The following LUZP2 variants were observed in gnomAD, a reference collection of about 807,000 sequenced individuals.
LUZP2 encodes leucine zipper protein 2.
LUZP2 carries 52 observed loss-of-function variants against 51.6 expected under a neutral mutation model. That is an observed-to-expected ratio of 1.01 (90% CI 0.81 to 1.27). The LOEUF (loss-of-function observed/expected upper bound fraction) is 1.27, where lower values mean the gene tolerates loss of function less well. Ranked by LOEUF, LUZP2 falls within the 50% of genes most tolerant of loss-of-function variation. The probability of loss-of-function intolerance (pLI) is 0.00; values close to 1 mark genes in which losing one functional copy is unlikely to be tolerated. For missense variants in LUZP2, 436 were observed against 395.4 expected (o/e 1.10, Z -0.87); for synonymous variants, 154 against 137.3 (o/e 1.12, Z -0.85).
At chr11:24,971,734 G>A (rs542522957) in intron 7 of LUZP2, among the ~76,000 whole-genome samples, 1 of 152,038 alleles carries the variant, frequency 6.6e-6, no homozygotes, top group Non-Finnish European at 1.5e-5. Context: ...ATTACAACAT[G>A]GGATGGTATC....
chr11:24,589,773 A>G (rs1237630090), intron 1 of LUZP2, among the ~76,000 whole-genome samples: 1 of 152,072 alleles, frequency 6.6e-6, no homozygotes, highest in Non-Finnish European at 1.5e-5. Context: ...TCTGACCTTG[A>G]CCTGTTGCCT....
chr11:24,937,555 A>G (rs1057299323), intron 7 of LUZP2, among the ~76,000 whole-genome samples: 6 of 152,206 alleles, frequency 3.9e-5, no homozygotes, highest in African/African-American at 1.2e-4. Context: ...AGAAATTACC[A>G]GCTTACTTTT....
At chr11:24,583,771 T>G (rs1470750953) in intron 1 of LUZP2, among the ~76,000 whole-genome samples, 1 of 151,596 alleles carries the variant, frequency 6.6e-6, no homozygotes, top group East Asian at 2.0e-4. Context: ...TGGGGCGATC[T>G]CGGCTCACTG....
At chr11:25,068,122 A>C (rs1859048890) in intron 10 of LUZP2, among the ~76,000 whole-genome samples, 1 of 152,030 alleles carries the variant, frequency 6.6e-6, no homozygotes, top group African/African-American at 2.4e-5. Context: ...CAATGAGAAC[A>C]CATGGATACA....
intron 5 of LUZP2, among the ~76,000 whole-genome samples, chr11:24,897,121 G>A (rs770073645): frequency 3.3e-5 from 5 of 151,562 alleles, no homozygotes; most frequent in Non-Finnish European, 4.4e-5. Flanking sequence ...CCTCTGGCTA[G>A]AGGATTGTAA....
At chr11:24,741,560 C>A (rs1355266070) in intron 4 of LUZP2, among the ~76,000 whole-genome samples, 3 of 151,188 alleles carry the variant, frequency 2.0e-5, no homozygotes, top group African/African-American at 7.3e-5. Flanking sequence ...TTATACCTTG[C>A]CCCCCAGTCA....
chr11:24,864,528 C>T (rs1389814319), intron 5 of LUZP2, among the ~76,000 whole-genome samples: 1 of 152,186 alleles, frequency 6.6e-6, no homozygotes, highest in African/African-American at 2.4e-5. Flanking sequence ...GCTTGTTTCT[C>T]TCTTTCCATT....
At chr11:24,790,135 G>A (rs1849367965) in intron 5 of LUZP2, among the ~76,000 whole-genome samples, 2 of 151,880 alleles carry the variant, frequency 1.3e-5, no homozygotes, top group Admixed American at 1.3e-4. Flanking sequence ...ATGCTGTTGT[G>A]TCACTCATCT....
At chr11:24,720,468 G>C (rs995310203) in intron 1 of LUZP2, among the ~76,000 whole-genome samples, 1 of 152,086 alleles carries the variant, frequency 6.6e-6, no homozygotes, top group African/African-American at 2.4e-5. Flanking sequence ...CATGTGAGAT[G>C]GATCAATGCA....
chr11:24,841,289 C>A (rs147054624), intron 5 of LUZP2, among the ~76,000 whole-genome samples: 1 of 151,990 alleles, frequency 6.6e-6, no homozygotes, highest in Non-Finnish European at 1.5e-5. Context: ...AAGGTGGCTG[C>A]CTACAAGCAA....
At chr11:24,732,231 C>T (rs377504121) in intron 3 of LUZP2, 43 bp downstream of exon 3, 31 of 1,421,110 alleles carry the variant, frequency 2.2e-5, no homozygotes, top group Non-Finnish European at 2.8e-5. Flanking sequence ...GCCATAGTGT[C>T]AAGCAACATT....
chr11:24,649,202 G>A (rs1002328908), intron 1 of LUZP2, among the ~76,000 whole-genome samples: 2 of 151,974 alleles, frequency 1.3e-5, no homozygotes, highest in African/African-American at 4.8e-5. Context: ...TTGGTGGATG[G>A]CCAGAGGGAG....
intron 1 of LUZP2, among the ~76,000 whole-genome samples, chr11:24,630,547 T>C (rs926407850): frequency 6.6e-6 from 1 of 152,086 alleles, no homozygotes; most frequent in African/African-American, 2.4e-5. Context: ...TATTAATCTA[T>C]GTGTCTACAT....
At chr11:24,676,816 A>G (rs531525711) in intron 1 of LUZP2, among the ~76,000 whole-genome samples, 2 of 152,020 alleles carry the variant, frequency 1.3e-5, no homozygotes, top group African/African-American at 4.8e-5. Flanking sequence ...GTCACTCACC[A>G]TCATGTCTGG....
intron 7 of LUZP2, among the ~76,000 whole-genome samples, chr11:24,939,590 AG>A (rs1854688150): frequency 1.3e-5 from 2 of 152,180 alleles, no homozygotes; most frequent in Non-Finnish European, 2.9e-5. Flanking sequence ...CCAGTGATTA[AG>A]TGAGGAATGC....
At chr11:24,742,955 T>G (rs1859240236) in intron 4 of LUZP2, among the ~76,000 whole-genome samples, 1 of 152,130 alleles carries the variant, frequency 6.6e-6, no homozygotes, top group Non-Finnish European at 1.5e-5. Flanking sequence ...AGGGTGTCCT[T>G]TCCCCACTTT....
intron 1 of LUZP2, among the ~76,000 whole-genome samples, chr11:24,688,832 G>A (rs1856976697): frequency 6.6e-6 from 1 of 152,050 alleles, no homozygotes; most frequent in Non-Finnish European, 1.5e-5. Flanking sequence ...ACCACACTTT[G>A]TAGCCATTTA....
intron 5 of LUZP2, among the ~76,000 whole-genome samples, chr11:24,774,247 C>T (rs144938827): frequency 0.012 from 1,765 of 149,178 alleles, 22 homozygotes; most frequent in Non-Finnish European, 0.018. Context: ...CTCTGGAACT[C>T]GGACTCTTTG....
intron 1 of LUZP2, among the ~76,000 whole-genome samples, chr11:24,710,639 T>A (rs1857773833): frequency 1.3e-5 from 2 of 152,236 alleles, no homozygotes; most frequent in Non-Finnish European, 2.9e-5. Context: ...TTCTCTGTCA[T>A]GAATTTCTTT....
Sources: allele counts gnomAD v4.1 joint callset (sites outside exome capture counted in the v4.1 genomes callset), GRCh38; gene constraint gnomAD v4.1.1; transcripts MANE v1.5; gene names NCBI Gene and HGNC (gene_info 2026-07-23, HGNC 2026-07-21).